The following AFAP1L2 variants were observed in gnomAD, a reference collection of about 807,000 sequenced individuals.
AFAP1L2 encodes the protein actin filament-associated protein 1-like 2.
Under a neutral mutation model 99.3 loss-of-function variants are expected in AFAP1L2, and 46 were observed. The ratio of observed to expected loss-of-function variants is 0.46; its 90% CI spans 0.37 to 0.59. AFAP1L2 has a LOEUF of 0.59. Ranked by LOEUF, AFAP1L2 falls within the 20% of genes least tolerant of loss-of-function variation. The pLI is 0.00. For synonymous variants in AFAP1L2, 397 were observed against 419.1 expected, an observed-to-expected ratio of 0.95 and a Z score of 0.64; for missense variants, 959 against 1,034.9, an observed-to-expected ratio of 0.93 and a Z score of 1.01.
chr10:114,313,934 C>G lies in AFAP1L2; in HGVS notation c.729G>C (p.Pro243=), dbSNP rs760751905. The change falls in exon 7 of 19, where the codon CCG becomes CCC. Residue 243 remains proline (P), a synonymous_variant. Coordinates refer to ENST00000304129, the MANE Select transcript of AFAP1L2 (RefSeq NM_001001936.3). ...RKKEHKLKIT[P]MNADVIVLGL... is the part of the protein sequence containing the mutation. ...CCAGCACAATCACATCGGCATTCAT[C>G]GGCGTGATCTTCAGCTTGTGCTCCT... 14 of 1,613,928 alleles carry G rather than the reference C, an allele frequency of 8.7e-6. No homozygotes were observed. Among genetic ancestry groups the G allele is most frequent in the Non-Finnish European group, 1.2e-5 (14 of 1,180,012 alleles).
chr10:114,404,015 C>T (rs2058483207), intron 1 of AFAP1L2, among the ~76,000 whole-genome samples: 1 of 152,238 alleles, frequency 6.6e-6, no homozygotes, highest in South Asian at 2.1e-4. Context: ...GCCCGGCGGG[C>T]GCCCGGGAGA....
intron 1 of AFAP1L2, among the ~76,000 whole-genome samples, chr10:114,391,404 G>GT (rs2057137640): frequency 1.3e-5 from 2 of 152,070 alleles, no homozygotes; most frequent in Non-Finnish European, 2.9e-5. Context: ...ATTTTTAGTA[G>GT]AGACAGGGTT....
At chr10:114,282,817 G>A in the AFAP1L2 span, among the ~76,000 whole-genome samples, 3,387 of 152,282 alleles carry the variant, frequency 0.022, 146 homozygotes, top group African/African-American at 0.078. Flanking sequence ...TTGGTGAGAG[G>A]CAGAGAGGCA....
At chr10:114,319,447 C>T in intron 5 of AFAP1L2, 1 of 774,438 alleles carries the variant, frequency 1.3e-6, no homozygotes, top group South Asian at 1.6e-5. Flanking sequence ...AAGTGCAAGA[C>T]TCATGCACGA....
Position 114,377,217 on chromosome 10 carries a change from CACAA to C in AFAP1L2, c.16+27219_16+27222del, listed in dbSNP as rs2054924620. 6.6e-6 allele frequency among the ~76,000 whole-genome samples: 1 copy of C among 152,250 alleles called. No homozygotes were observed. The highest frequency in any genetic ancestry group is 6.5e-5 in the Admixed American group (1 of 15,292). On this transcript the variant is annotated intron_variant, in intron 1 of 18. Coordinates refer to ENST00000304129, the MANE Select transcript of AFAP1L2 (RefSeq NM_001001936.3). This position sits in a 1 kb window ranked among gnomAD's most constrained non-coding sequence, Gnocchi z 4.0. ...ACTATGAACTCCATCTAACCTAGCA[CACAA>C]ACAGTTATCACACAAGTGTAGCAGA...
intron 5 of AFAP1L2, among the ~76,000 whole-genome samples, chr10:114,322,089 T>C (rs1164833047): frequency 1.3e-5 from 2 of 152,202 alleles, no homozygotes; most frequent in African/African-American, 4.8e-5. Context: ...GGAGTTTCCC[T>C]GTACACGCTC....
intron 1 of AFAP1L2, 144 bp from the exon 2 acceptor site, chr10:114,340,875 G>T (rs2048726410): frequency 1.8e-6 from 2 of 1,130,372 alleles, no homozygotes; most frequent in Non-Finnish European, 2.6e-6. Flanking sequence ...GGCAGCGTAT[G>T]GGGGGACTGG....
chr10:114,402,958 C>T (rs571333009), intron 1 of AFAP1L2, among the ~76,000 whole-genome samples: 85 of 152,344 alleles, frequency 5.6e-4, no homozygotes, highest in Non-Finnish European at 4.1e-4. Flanking sequence ...GAGAGGGTCC[C>T]TCCCGAAGGG....
In AFAP1L2 at chr10:114,296,991, A is replaced by G. The variant is rs770493302; in HGVS notation, c.2417T>C (p.Leu806Pro). 6.2e-7 allele frequency: 1 copy of G among 1,614,104 alleles called. No individual in the cohort carries two copies. Among genetic ancestry groups the G allele is most frequent in the South Asian group, 1.1e-5 (1 of 91,072 alleles). Residue 806 changes from leucine (L) to proline (P), a missense_variant, in exon 18 of 19, where the codon CTC becomes CCC. By Grantham distance (98) the Leu-to-Pro change is moderately conservative. Transcript: ENST00000304129. ...GTGACTGCTTACCTTGGCTTTCTGG[A>G]GTACAGTGCCTTTGCCTGTGACCAC... ...SVVVTGKGTV[L>P]QKAKEWEKKG...
the AFAP1L2 span, chr10:114,289,366 G>A: frequency 3.0e-4 from 478 of 1,614,136 alleles, 1 homozygote; most frequent in East Asian, 1.8e-3. Context: ...GGTCGTGGGC[G>A]TGGGGCCTGT....
rs111435989 is a variant in AFAP1L2, at chr10:114,396,427, G to A, written c.16+8013C>T. ...CTGTCCGCTGGCCTGGTGCAGTGAC[G>A]ACTGGTAATTCTGCCCTTGCATCAG... On this transcript the variant is annotated intron_variant, in intron 1 of 18. Transcript: ENST00000304129. Among the ~76,000 whole-genome samples, 378 of 152,332 alleles carry A rather than the reference G, an allele frequency of 2.5e-3. 1 individual carries two copies. The highest frequency in any genetic ancestry group is 7.1e-3 in the African/African-American group (296 of 41,572).
the AFAP1L2 span, chr10:114,285,008 G>T: frequency 6.7e-7 from 1 of 1,489,372 alleles, no homozygotes; most frequent in Non-Finnish European, 9.0e-7. Flanking sequence ...GACCACTGGG[G>T]AGCAAGAAGA....
At chr10:114,305,980 G>T (rs1281018539) in intron 10 of AFAP1L2, among the ~76,000 whole-genome samples, 30 of 132,744 alleles carry the variant, frequency 2.3e-4, no homozygotes, top group Admixed American at 3.6e-4. Context: ...GGTACAGGAG[G>T]GGTCGGGGCT....
chr10:114,342,019 A>G (rs1354192347), intron 1 of AFAP1L2, among the ~76,000 whole-genome samples: 1 of 152,200 alleles, frequency 6.6e-6, no homozygotes, highest in Non-Finnish European at 1.5e-5. Context: ...TACGTGGGTG[A>G]CCTGAGAAAA....
At chr10:114,303,521 G>C (rs970040672) in intron 11 of AFAP1L2, among the ~76,000 whole-genome samples, 1 of 152,142 alleles carries the variant, frequency 6.6e-6, no homozygotes, top group African/African-American at 2.4e-5. Flanking sequence ...TGGCCAGGCT[G>C]GTTTCAAACT....
intron 10 of AFAP1L2, among the ~76,000 whole-genome samples, chr10:114,306,315 C>G (rs923572122): frequency 4.6e-3 from 38 of 8,344 alleles, no homozygotes; most frequent in Middle Eastern, 0.083. Flanking sequence ...GGACGCAGAT[C>G]CAGGAGGGGA....
chr10:114,291,074 T>C, downstream of AFAP1L2: 1 of 948,194 alleles, frequency 1.1e-6, no homozygotes, highest in Non-Finnish European at 1.6e-6. Flanking sequence ...GATAATCACA[T>C]GGGGTCTCTA....
chr10:114,385,326 T>C (rs2056357484), intron 1 of AFAP1L2, among the ~76,000 whole-genome samples: 1 of 152,284 alleles, frequency 6.6e-6, no homozygotes, highest in East Asian at 1.9e-4. Flanking sequence ...TGAGTGATGC[T>C]GGGGCACCTT....
intron 7 of AFAP1L2, among the ~76,000 whole-genome samples, chr10:114,310,786 C>T (rs1270197830): frequency 6.6e-6 from 1 of 152,232 alleles, no homozygotes; most frequent in Non-Finnish European, 1.5e-5. Flanking sequence ...CCATTCCAGG[C>T]AGGGCTACTG....
Sources: allele counts gnomAD v4.1 joint callset (sites outside exome capture counted in the v4.1 genomes callset), GRCh38; gene constraint gnomAD v4.1.1; non-coding constraint Gnocchi (gnomAD v3.1); transcripts MANE v1.5; gene names NCBI Gene and HGNC (gene_info 2026-07-23, HGNC 2026-07-21).